VGLL4: variants seen among roughly 807,000 people sequenced by gnomAD.
VGLL4 encodes vestigial like family member 4, also known as transcription cofactor vestigial-like protein 4.
A neutral mutation model predicts 21.0 loss-of-function variants in VGLL4; 7 were observed. That is an observed-to-expected ratio of 0.33 (90% confidence interval 0.19 to 0.63). The LOEUF (loss-of-function observed/expected upper bound fraction) is 0.63, where lower values mean the gene tolerates loss of function less well. Ranked by LOEUF, VGLL4 falls within the 20% of genes least tolerant of loss-of-function variation. VGLL4 has a pLI of 0.78. For missense variants in VGLL4, 394 were observed against 425.7 expected, an observed-to-expected ratio of 0.93 and a Z score of 0.66; for synonymous variants, 222 against 173.2, an observed-to-expected ratio of 1.28 and a Z score of -2.21.
At chr3:11,623,058 A>G (rs2075294503) in intron 1 of VGLL4, among the ~76,000 whole-genome samples, 5 of 152,152 alleles carry the variant, frequency 3.3e-5, no homozygotes, top group Admixed American at 3.3e-4. Flanking sequence ...TCCACCTTTT[A>G]GTTATGGATT....
At chr3:11,609,056 T>C (rs1435885754) in intron 1 of VGLL4, among the ~76,000 whole-genome samples, 1 of 152,148 alleles carries the variant, frequency 6.6e-6, no homozygotes, top group Non-Finnish European at 1.5e-5. Flanking sequence ...TTAGTAGAGA[T>C]GGGGTTTTAC....
chr3:11,669,907 T>C (rs1204495073), intron 2 of VGLL4, among the ~76,000 whole-genome samples: 1 of 152,162 alleles, frequency 6.6e-6, no homozygotes, highest in African/African-American at 2.4e-5. Context: ...CTTCTTGCCT[T>C]GGCCTCCCAA....
intron 2 of VGLL4, among the ~76,000 whole-genome samples, chr3:11,595,186 T>A (rs66516060): frequency 8.4e-6 from 1 of 119,444 alleles, no homozygotes; most frequent in African/African-American, 3.4e-5. Flanking sequence ...ACAAACAAAA[T>A]AAGAAAACAC....
intron 2 of VGLL4, among the ~76,000 whole-genome samples, chr3:11,596,591 T>C (rs1214261438): frequency 1.3e-5 from 2 of 152,160 alleles, no homozygotes; most frequent in Non-Finnish European, 2.9e-5. Flanking sequence ...ACTCATTATC[T>C]CCTAGCTCTT....
chr3:11,589,461 C>T (rs780837503), intron 2 of VGLL4, among the ~76,000 whole-genome samples: 2 of 152,180 alleles, frequency 1.3e-5, no homozygotes, highest in Non-Finnish European at 2.9e-5. Context: ...TTAAACTTTA[C>T]AGCACCAGAG....
chr3:11,686,212 G>GA (rs2076446449), intron 2 of VGLL4, among the ~76,000 whole-genome samples: 1 of 152,152 alleles, frequency 6.6e-6, no homozygotes, highest in Admixed American at 6.5e-5. Context: ...CAGGCTCTCA[G>GA]AAAAAATATT....
chr3:11,665,415 A>T (rs1188567176), intron 2 of VGLL4, among the ~76,000 whole-genome samples: 2 of 152,076 alleles, frequency 1.3e-5, no homozygotes, highest in African/African-American at 2.4e-5. Context: ...GCCCGGCCAA[A>T]CATCTTAATC....
At chr3:11,704,383 C>CAAAAAAAAAAAAAA (rs57593843) in intron 1 of VGLL4, among the ~76,000 whole-genome samples, 26 of 69,150 alleles carry the variant, frequency 3.8e-4, no homozygotes, top group East Asian at 1.1e-3. Context: ...AACTCCGTCT[C>CAAAAAAAAAAAAAA]AAAAAAAAAA....
intron 2 of VGLL4, among the ~76,000 whole-genome samples, chr3:11,580,117 G>A (rs983709092): frequency 1.3e-5 from 2 of 152,106 alleles, no homozygotes; most frequent in Admixed American, 6.6e-5. Context: ...CGCACCATCC[G>A]TCTCCAGAAC....
At chr3:11,561,995 G>T (rs2073062764) in intron 3 of VGLL4, among the ~76,000 whole-genome samples, 1 of 151,338 alleles carries the variant, frequency 6.6e-6, no homozygotes, top group African/African-American at 2.4e-5. Context: ...CGCCTTCCGG[G>T]TTCAAGCGAT....
intron 2 of VGLL4, among the ~76,000 whole-genome samples, chr3:11,654,488 A>G (rs1327896470): frequency 6.6e-6 from 1 of 152,246 alleles, no homozygotes; most frequent in African/African-American, 2.4e-5. Context: ...TTAACTAAAA[A>G]TAAGGGGAGT....
chr3:11,673,987 G>C (rs2076253186), intron 2 of VGLL4, among the ~76,000 whole-genome samples: 1 of 139,182 alleles, frequency 7.2e-6, no homozygotes. Flanking sequence ...ACTCCAGCCT[G>C]GGTGACAGAG....
chr3:11,693,091 GCC>G, intron 2 of VGLL4: 1 of 205,610 alleles, frequency 4.9e-6, no homozygotes, highest in South Asian at 5.5e-5. Flanking sequence ...GATCACTTGA[GCC>G]CCAGGGGGCG....
chr3:11,571,973 G>A (rs890775792), intron 2 of VGLL4, among the ~76,000 whole-genome samples: 2 of 152,200 alleles, frequency 1.3e-5, no homozygotes, highest in African/African-American at 4.8e-5. Flanking sequence ...TGGGCGTGGT[G>A]TCACGTACCT....
In VGLL4 at chr3:11,558,470, C is replaced by CCCAG; in HGVS notation, c.*85_*86insCTGG. 1.5e-6 allele frequency: 2 copies of CCCAG among 1,362,382 alleles called. No homozygotes were observed. The highest frequency in any genetic ancestry group is 9.8e-7 in the Non-Finnish European group (1 of 1,015,500). 84.4% of individuals were successfully genotyped at this position (1,362,382 alleles called of 1,614,324 possible). A position where few individuals can be genotyped will look rare whatever the true frequency, so the allele number is the denominator to read the frequency against. ...CCCTTCCCTTCCCCCCACCCCACCC[C>CCCAG]CATGATTTTTTTTTTTTTAAGTACT... On this transcript the variant is annotated 3_prime_UTR_variant, in exon 5 of 5. Coordinates refer to ENST00000430365, the MANE Select transcript of VGLL4 (RefSeq NM_001128219.3).
chr3:11,605,695 T>C (rs2074923971), intron 1 of VGLL4, among the ~76,000 whole-genome samples: 1 of 152,152 alleles, frequency 6.6e-6, no homozygotes, highest in African/African-American at 2.4e-5. Context: ...TTTGTGCTCC[T>C]GGAAGCAGGT....
Position 11,568,675 on chromosome 3 carries a change from A to G in VGLL4, c.273-3656T>C. 1 of 1,555,116 alleles carries G rather than the reference A, an allele frequency of 6.4e-7. No homozygotes were observed. ...TGTTTTCCAGGCCCCGCTCGCCCGG[A>G]TGAATCACCTCCCGGCCACTGCTTC... On this transcript the variant is annotated intron_variant, in intron 2 of 4. Transcript: ENST00000430365. This position sits in a 1 kb window ranked among gnomAD's most constrained non-coding sequence, Gnocchi z 5.9.
rs924354887 is a variant in VGLL4, at chr3:11,719,430, T to G, written c.-14+964A>C. On this transcript the variant is annotated intron_variant, in intron 1 of 5. Transcript: ENST00000273038. This position sits in a 1 kb window ranked among gnomAD's most constrained non-coding sequence, Gnocchi z 4.0. ...AACCGCACTCACCGCCCGGCGGCTCTGGGCGCGCCCGCCTGGGGCCGGCCT... is the reference window on the plus strand; with the variant it reads ...AACCGCACTCACCGCCCGGCGGCTCGGGGCGCGCCCGCCTGGGGCCGGCCT... 1.8e-4 allele frequency: 28 copies of G among 151,668 alleles called. No homozygotes were observed. The highest frequency in any genetic ancestry group is 5.9e-4 in the Admixed American group (9 of 15,240). 9.4% of individuals were successfully genotyped at this position (151,668 alleles called of 1,614,324 possible).
rs1301660312 is a variant in VGLL4, at chr3:11,605,049, C to T, written c.83-3027G>A. On this transcript the variant is annotated intron_variant, in intron 1 of 4. Coordinates refer to ENST00000430365, the MANE Select transcript of VGLL4 (RefSeq NM_001128219.3). ...TGCTTTCCATCGCCCGCCACGCCCC[C>T]GCCCACCCCCAATCCTCCACAGCTC... 4.6e-5 allele frequency among the ~76,000 whole-genome samples: 5 copies of T among 109,090 alleles called. No homozygotes were observed. The East Asian group carries it at 1.3e-3, about 27-fold the overall frequency. The allele number at this position is 109,090 out of a possible 152,430, so 71.6% of individuals were successfully genotyped here.
Sources: gnomAD v4.1 joint callset for allele counts (sites outside exome capture counted in the v4.1 genomes callset) on GRCh38, gnomAD v4.1.1 for gene constraint, Gnocchi (gnomAD v3.1) non-coding constraint, MANE v1.5 for transcripts, NCBI Gene and HGNC (gene_info 2026-07-23, HGNC 2026-07-21) for gene names.